The following IL6ST variants were observed in gnomAD, a reference collection of about 807,000 sequenced individuals.
IL6ST encodes interleukin 6 cytokine family signal transducer.
IL6ST carries 24 observed loss-of-function variants against 91.3 expected under a neutral mutation model. The ratio of observed to expected loss-of-function variants is 0.26; its 90% CI spans 0.19 to 0.37. The LOEUF (loss-of-function observed/expected upper bound fraction) is 0.37. Ranked by LOEUF, IL6ST falls within the 10% of genes least tolerant of loss-of-function variation. The pLI is 1.00. For synonymous variants in IL6ST, 351 were observed against 373.6 expected, an observed-to-expected ratio of 0.94 and a Z score of 0.70; for missense variants, 914 against 1,078.5, an observed-to-expected ratio of 0.85 and a Z score of 2.14.
rs1418517617 is a variant in IL6ST, at chr5:55,963,421, A to G, written c.744T>C (p.Ser248=). The G allele has an allele frequency of 1.9e-6, 3 of 1,602,348 alleles. No homozygotes were observed. The highest frequency in any genetic ancestry group is 2.6e-6 in the Non-Finnish European group (3 of 1,170,004). Residue 248 remains serine, a synonymous_variant, in exon 7 of 17, where the codon AGT becomes AGC. Transcript: ENST00000381298. Reference sequence around the variant, plus strand: ...ATTTTAGTATTATAACACTCTTAATACTTGGGTTGGTCCATGTCAATTTTA... The same window carrying G: ...ATTTTAGTATTATAACACTCTTAATGCTTGGGTTGGTCCATGTCAATTTTA... ...SILKLTWTNP[S]IKSVIILKYN... is the part of the protein sequence containing the mutation.
rs118025260 is a variant in IL6ST at position 55,965,566 on chromosome 5, T to A, written c.492-1254A>T. ...GCACCCAGATTGTAGTCTGTAAATATTATTTCACACTAAATGAAACCAGAG... is the reference window on the plus strand; with the variant it reads ...GCACCCAGATTGTAGTCTGTAAATAATATTTCACACTAAATGAAACCAGAG... On this transcript the variant is annotated intron_variant, in intron 5 of 16. Coordinates refer to ENST00000381298, the MANE Select transcript of IL6ST (RefSeq NM_002184.4). 8.7e-4 allele frequency among the ~76,000 whole-genome samples: 132 copies of A among 152,278 alleles called. 3 individuals carry two copies. In the East Asian group the frequency reaches 0.025, roughly 28 times the overall value.
Position 55,956,204 on chromosome 5 carries a change from A to T in IL6ST, c.1088T>A (p.Ile363Asn), listed in dbSNP as rs1347230193. ...TGTGAGAGTCACTTCATAATCCAAG[A>T]TTTTTCCATTGGCTTCAAAAGGAGG... Reference protein sequence around the residue: ...TLPPFEANGKILDYEVTLTRW... With the variant: ...TLPPFEANGKNLDYEVTLTRW... The change falls in exon 10 of 17, where the codon ATC (isoleucine) becomes AAC (asparagine). Residue 363 changes from isoleucine to asparagine, a missense_variant. Transcript: ENST00000381298. The T allele has an allele frequency of 1.2e-6, 2 of 1,609,322 alleles. No homozygotes were observed. Among genetic ancestry groups the T allele is most frequent in the Non-Finnish European group, 1.7e-6 (2 of 1,175,896 alleles).
chr5:55,994,518 G>A (rs533022612), intron 1 of IL6ST, among the ~76,000 whole-genome samples: 81 of 152,284 alleles, frequency 5.3e-4, no homozygotes, highest in African/African-American at 1.9e-3. Context: ...CGTTCTGCGG[G>A]GCGGGCGTTA....
rs936686409 is a variant in IL6ST, at chr5:55,955,904, G to A, written c.1267+121C>T. ...ATTTAAAAAATTAAAAAATAAACAA[G>A]TGATTATCCCTGATACTGAGGAGAC... On this transcript the variant is annotated intron_variant, in intron 10 of 16. Coordinates refer to ENST00000381298, the MANE Select transcript of IL6ST (RefSeq NM_002184.4). 32 of 508,982 alleles carry A rather than the reference G, an allele frequency of 6.3e-5. No individual in the cohort carries two copies. The Admixed American group carries it at 9.3e-4, about 15-fold the overall frequency. 31.5% of individuals were successfully genotyped at this position (508,982 alleles called of 1,614,324 possible).
At chr5:55,953,420 G>A (rs1378008566) in intron 11 of IL6ST, among the ~76,000 whole-genome samples, 2 of 152,024 alleles carry the variant, frequency 1.3e-5, no homozygotes, top group Admixed American at 6.6e-5. Flanking sequence ...ATGGAGTTTC[G>A]TTCTTGTTGT....
chr5:55,955,109 GC>G, intron 10 of IL6ST, 117 bp from the exon 11 acceptor site: 1 of 703,938 alleles, frequency 1.4e-6, no homozygotes, highest in Non-Finnish European at 2.3e-6. Flanking sequence ...ATACTTCCTT[GC>G]CTAAAAGCAC....
At chr5:55,980,628 C>G (rs939483950) in intron 2 of IL6ST, among the ~76,000 whole-genome samples, 1 of 152,138 alleles carries the variant, frequency 6.6e-6, no homozygotes, top group Non-Finnish European at 1.5e-5. Context: ...ACAGTTCAAT[C>G]GTACTCCAAA....
intron 1 of IL6ST, chr5:55,994,136 C>T (rs1754502558): frequency 7.5e-6 from 1 of 133,962 alleles, no homozygotes; most frequent in South Asian, 2.5e-4. Context: ...AAATAAAATG[C>T]TGTTCATCCA....
At chr5:55,974,377 G>A (rs1261086759) in intron 3 of IL6ST, among the ~76,000 whole-genome samples, 1 of 152,138 alleles carries the variant, frequency 6.6e-6, no homozygotes, top group Non-Finnish European at 1.5e-5. Flanking sequence ...CTAGGCTGGA[G>A]TGCAGTGGCA....
chr5:55,976,256 A>G lies in IL6ST; in HGVS notation c.23T>C (p.Leu8Pro), dbSNP rs769275290. 3.1e-6 allele frequency: 5 copies of G among 1,589,452 alleles called. No individual in the cohort carries two copies. The Admixed American group carries it at 8.7e-5, about 28-fold the overall frequency. The change falls in exon 3 of 17, where the codon CTA (leucine) becomes CCA (proline). Residue 8 changes from leucine (L) to proline (P), a missense_variant. Coordinates refer to ENST00000381298, the MANE Select transcript of IL6ST (RefSeq NM_002184.4). MLTLQTW[L>P]VQALFIFLTT... ...GAGGAAAATAAACAAGGCTTGCACT[A>G]GCCAAGTCTGCAACGTCAACATCTT...
In IL6ST at chr5:55,976,375, C is replaced by T. The variant is rs952761106; in HGVS notation, c.-15-82G>A. ...TTTAAGACACAATCTTGTTTCCATG[C>T]TGTAGCTGTGTTTCTAAAAGGTGGT... is the stretch of plus-strand genomic sequence containing the variant. On this transcript the variant is annotated intron_variant, in intron 2 of 16. Coordinates refer to ENST00000381298, the MANE Select transcript of IL6ST (RefSeq NM_002184.4). The T allele has an allele frequency of 5.2e-5, 34 of 655,950 alleles. No individual in the cohort carries two copies. In the Admixed American group the frequency reaches 6.2e-4, roughly 12 times the overall value. 40.6% of individuals were successfully genotyped at this position (655,950 alleles called of 1,614,324 possible).
Position 55,937,948 on chromosome 5 carries a change from G to A in IL6ST, c.*3134C>T, listed in dbSNP as rs960526358. On this transcript the variant is annotated 3_prime_UTR_variant, in exon 17 of 17. Transcript: ENST00000381298. Reference sequence around the variant, plus strand: ...CTTGGTCAATATATGTTAGTAAACAGAAATATTTTAGGGAATTCTATGATT... The same window carrying A: ...CTTGGTCAATATATGTTAGTAAACAAAAATATTTTAGGGAATTCTATGATT... 1.0e-5 allele frequency: 2 copies of A among 195,552 alleles called. No homozygotes were observed. The highest frequency in any genetic ancestry group is 2.3e-5 in the African/African-American group (1 of 42,804). 12.1% of individuals were successfully genotyped at this position (195,552 alleles called of 1,614,324 possible).
intron 7 of IL6ST, among the ~76,000 whole-genome samples, 162 bp from the exon 8 acceptor site, chr5:55,960,723 A>C (rs952568817): frequency 6.6e-6 from 1 of 151,722 alleles, no homozygotes; most frequent in Non-Finnish European, 1.5e-5. Context: ...TACCTCTCCC[A>C]GGTTCAAGCG....
Position 55,945,676 on chromosome 5 carries a change from T to TTC in IL6ST, c.1937+1816_1937+1817insGA, listed in dbSNP as rs1554023164. ...TTTTTTTTTTTTTTTTTTTTTTTTT[T>TTC]CAGACACTCTGTCACCCAGGTTGGA... On this transcript the variant is annotated intron_variant, in intron 15 of 16. Transcript: ENST00000381298. Among the ~76,000 whole-genome samples the TTC allele has an allele frequency of 2.4e-4, 32 of 134,004 alleles. 1 individual carries two copies. The highest frequency in any genetic ancestry group is 3.6e-4 in the Non-Finnish European group (23 of 64,188). The allele number at this position is 134,004 out of a possible 152,430, so 87.9% of individuals were successfully genotyped here.
intron 3 of IL6ST, among the ~76,000 whole-genome samples, chr5:55,970,884 A>G (rs1752922900): frequency 6.6e-6 from 1 of 152,202 alleles, no homozygotes; most frequent in Non-Finnish European, 1.5e-5. Flanking sequence ...CTTGGGAGAC[A>G]GAGTGAGACA....
rs201093293 is a variant in IL6ST, at chr5:55,941,221, G to A, written c.2618C>T (p.Ala873Val). The A allele has an allele frequency of 6.8e-6, 11 of 1,614,154 alleles. No individual in the cohort carries two copies. The Admixed American group carries it at 1.7e-4, about 24-fold the overall frequency. Reference sequence around the variant, plus strand: ...AGTACCTGGACCAAAAGCATCTGCTGCAGAAACTTCCTGAAACATTTTCAT... The same window carrying A: ...AGTACCTGGACCAAAAGCATCTGCTACAGAAACTTCCTGAAACATTTTCAT... The part of the protein sequence containing the change: ...GQMKMFQEVS[A>V]ADAFGPGTEG... The change falls in exon 17 of 17, where the codon GCA becomes GTA. Residue 873 changes from alanine to valine, a missense_variant. By Grantham distance (64) the Ala-to-Val change is moderately conservative (BLOSUM62 0). Transcript: ENST00000381298.
Position 55,935,398 on chromosome 5 carries a change from T to C in IL6ST, c.*5684A>G, listed in dbSNP as rs1358662481. On this transcript the variant is annotated 3_prime_UTR_variant, in exon 17 of 17. Coordinates refer to ENST00000381298, the MANE Select transcript of IL6ST (RefSeq NM_002184.4). Reference sequence around the variant, plus strand: ...CGTATCTGTTGAAAATCTTTAGCGGTTGGGGAAAATAGCTATATTTAAAAA... The same window carrying C: ...CGTATCTGTTGAAAATCTTTAGCGGCTGGGGAAAATAGCTATATTTAAAAA... 2.9e-5 allele frequency: 6 copies of C among 203,572 alleles called. No homozygotes were observed. The Admixed American group carries it at 3.6e-4, about 12-fold the overall frequency. 12.6% of individuals were successfully genotyped at this position (203,572 alleles called of 1,614,324 possible).
chr5:55,976,630 T>C (rs1239463357), intron 2 of IL6ST, among the ~76,000 whole-genome samples: 1 of 152,234 alleles, frequency 6.6e-6, no homozygotes, highest in East Asian at 1.9e-4. Context: ...CCATAATATG[T>C]ATCCTTAAAA....
In IL6ST at chr5:55,941,426, C is replaced by T. The variant is rs146696658; in HGVS notation, c.2413G>A (p.Gly805Ser). Residue 805 changes from glycine to serine, a missense_variant, in exon 17 of 17, where the codon GGT (glycine) becomes AGT (serine). Coordinates refer to ENST00000381298, the MANE Select transcript of IL6ST (RefSeq NM_002184.4). ...DLQLVDHVDG[G>S]DGILPRQQYF... is the part of the protein sequence containing the mutation. ...TGTTGCCTGGGCAAAATACCATCAC[C>T]GCCATCTACATGATCTACTAATTGT... 30 of 1,614,042 alleles carry T rather than the reference C, an allele frequency of 1.9e-5. No individual in the cohort carries two copies. Among genetic ancestry groups the T allele is most frequent in the African/African-American group, 2.7e-5 (2 of 74,922 alleles).
Sources: gnomAD v4.1 joint callset for allele counts (sites outside exome capture counted in the v4.1 genomes callset) on GRCh38, gnomAD v4.1.1 for gene constraint, MANE v1.5 for transcripts, NCBI Gene and HGNC (gene_info 2026-07-23, HGNC 2026-07-21) for gene names.